ABCA4: variants seen among roughly 807,000 people sequenced by gnomAD.
ABCA4 encodes the protein retinal-specific phospholipid-transporting ATPase ABCA4.
A neutral mutation model predicts 263.7 loss-of-function variants in ABCA4; 196 were observed. That is an observed-to-expected ratio of 0.74 (90% confidence interval 0.66 to 0.84). ABCA4 has a LOEUF of 0.84. ABCA4 is among the 40% of genes least tolerant of loss of function. ABCA4 has a pLI of 0.00. For missense variants in ABCA4, 2,792 were observed against 2,855.1 expected (o/e 0.98, Z 0.50); for synonymous variants, 1,133 against 1,094.2 (o/e 1.04, Z -0.70).
At chr1:94,007,492 T>C (rs1371333440) in intron 43 of ABCA4, 142 bp downstream of exon 43, 1 of 748,662 alleles carries the variant, frequency 1.3e-6, no homozygotes, top group South Asian at 1.5e-5. Context: ...TTTTGGGCCA[T>C]GCTCTCTGGG....
At chr1:94,008,195 T>C (rs777106039) in intron 42 of ABCA4, 40 bp downstream of exon 42, 7 of 1,596,710 alleles carry the variant, frequency 4.4e-6, no homozygotes, top group Non-Finnish European at 8.6e-7. Flanking sequence ...CAAGAGCTGA[T>C]GTTCGGAAGC....
intron 6 of ABCA4, among the ~76,000 whole-genome samples, chr1:94,091,809 T>A (rs993234253): frequency 3.3e-5 from 5 of 152,242 alleles, no homozygotes; most frequent in Non-Finnish European, 7.3e-5. Context: ...CCTTTAGGCC[T>A]TGATCCTGTG....
At chr1:94,097,069 C>A (rs1356246265) in intron 6 of ABCA4, among the ~76,000 whole-genome samples, 16 of 152,212 alleles carry the variant, frequency 1.1e-4, no homozygotes, top group Non-Finnish European at 2.4e-4. Context: ...GAAAACAAGT[C>A]AAGGAGCGTG....
intron 14 of ABCA4, 120 bp downstream of exon 14, chr1:94,060,417 G>A: frequency 1.1e-6 from 1 of 936,014 alleles, no homozygotes; most frequent in South Asian, 1.4e-5. Flanking sequence ...GGAAGGGCTG[G>A]GAAGCTAGAT....
intron 11 of ABCA4, among the ~76,000 whole-genome samples, chr1:94,073,927 C>T (rs1661471248): frequency 6.6e-6 from 1 of 152,152 alleles, no homozygotes; most frequent in African/African-American, 2.4e-5. Flanking sequence ...TCGCACAGGT[C>T]CTGCTTATGT....
chr1:94,001,051 T>G lies in ABCA4; in HGVS notation c.6337A>C (p.Ile2113Leu), dbSNP rs763507963. 8 of 1,614,170 alleles carry G rather than the reference T, an allele frequency of 5.0e-6. No homozygotes were observed. The Admixed American group carries it at 1.3e-4, about 27-fold the overall frequency. ...PQARRMLWNV[I>L]VSIIREGRAV... ...CTCCCTTCTCTGATGATGCTCACGA[T>G]GACGTTCCACAGCATGCGGCGTGCC... The change falls in exon 46 of 50, where the codon ATC (isoleucine) becomes CTC (leucine). Residue 2113 changes from isoleucine (I) to leucine (L), a missense_variant. Transcript: ENST00000370225.
rs55694362 is a variant in ABCA4 at position 94,009,171 on chromosome 1, A to G, written c.5715-300T>C. Among the ~76,000 whole-genome samples, 17,558 of 151,980 alleles carry G rather than the reference A, an allele frequency of 0.12. 1,291 individuals carry two copies. Among genetic ancestry groups the G allele is most frequent in the African/African-American group, 0.21 (8,761 of 41,370 alleles). On this transcript the variant is annotated intron_variant, in intron 40 of 49. Transcript: ENST00000370225. Reference sequence around the variant, plus strand: ...ACCATGTGATGAGGAGGAGGGTAACAATACCTGTCTCATAGGATTGTGCTG... The same window carrying G: ...ACCATGTGATGAGGAGGAGGGTAACGATACCTGTCTCATAGGATTGTGCTG...
chr1:94,040,146 A>C lies in ABCA4; in HGVS notation c.3523-19T>G, dbSNP rs1018556716. ...AGGTCCCCTGCAACAGATGGATGGG[A>C]TGACTGACAAGATGCACATCCCTTC... On this transcript the variant is annotated intron_variant, in intron 23 of 49. Transcript: ENST00000370225. 4 of 1,584,118 alleles carry C rather than the reference A, an allele frequency of 2.5e-6. No homozygotes were observed.
chr1:94,036,260 T>C (rs193166606), intron 26 of ABCA4, among the ~76,000 whole-genome samples: 46 of 150,918 alleles, frequency 3.0e-4, no homozygotes, highest in Non-Finnish European at 6.6e-4. Flanking sequence ...TAGACCTAAC[T>C]CAGTCTGTTA....
intron 25 of ABCA4, 70 bp downstream of exon 25, chr1:94,037,075 A>G: frequency 2.0e-6 from 3 of 1,514,940 alleles, no homozygotes; most frequent in African/African-American, 1.4e-5. Context: ...ACTTTGCTCT[A>G]ATGTTAGACT....
chr1:94,073,252 C>A (rs1661452058), intron 11 of ABCA4, among the ~76,000 whole-genome samples: 2 of 152,152 alleles, frequency 1.3e-5, no homozygotes, highest in South Asian at 4.1e-4. Context: ...TGTTCATTGC[C>A]CCTTGCTTTC....
rs147309270 is a variant in ABCA4 at position 94,067,766 on chromosome 1, G to A, written c.1555-4449C>T. ...GATGCTTGCTGAAGGCTTACTATAC[G>A]GCCAAAACTGGTCCAAGGACTTTAC... On this transcript the variant is annotated intron_variant, in intron 11 of 49. Coordinates refer to ENST00000370225, the MANE Select transcript of ABCA4 (RefSeq NM_000350.3). Among the ~76,000 whole-genome samples, 63 of 152,232 alleles carry A rather than the reference G, an allele frequency of 4.1e-4. 1 individual carries two copies. The East Asian group carries it at 9.7e-3, about 23-fold the overall frequency.
At chr1:94,042,723 T>A in intron 22 of ABCA4, 38 bp downstream of exon 22, 1 of 1,614,000 alleles carries the variant, frequency 6.2e-7, no homozygotes, top group South Asian at 1.1e-5. Flanking sequence ...AGGGCTGCAG[T>A]GAGAGCCCAG....
chr1:94,028,906 C>CAAAAAAA (rs34738807), intron 30 of ABCA4, among the ~76,000 whole-genome samples: 10 of 37,644 alleles, frequency 2.7e-4, no homozygotes, highest in South Asian at 1.2e-3. Context: ...GACTCTGTCT[C>CAAAAAAA]AAAAAAAAAA....
At chr1:94,014,764 G>A in intron 37 of ABCA4, 74 bp from the exon 38 acceptor site, 1 of 1,580,468 alleles carries the variant, frequency 6.3e-7, no homozygotes, top group Admixed American at 1.7e-5. Flanking sequence ...TGGATATAAT[G>A]CACTCCCCTT....
intron 22 of ABCA4, among the ~76,000 whole-genome samples, chr1:94,042,098 CAAAAAAAAAAA>C (rs11334956): frequency 2.5e-5 from 2 of 81,270 alleles, no homozygotes. Context: ...GATTCTGTCT[CAAAAAAAAAAA>C]AAAAAAAAAA....
intron 5 of ABCA4, among the ~76,000 whole-genome samples, chr1:94,099,514 T>C (rs1309258102): frequency 6.6e-6 from 1 of 152,130 alleles, no homozygotes; most frequent in Non-Finnish European, 1.5e-5. Context: ...CCATACCTCA[T>C]CTTATCAGAG....
intron 11 of ABCA4, among the ~76,000 whole-genome samples, chr1:94,067,231 G>T (rs1445362355): frequency 1.3e-5 from 2 of 151,306 alleles, no homozygotes; most frequent in Admixed American, 6.6e-5. Flanking sequence ...AAACAAAAAA[G>T]CTAGTAAAAA....
chr1:94,008,297 T>C lies in ABCA4; in HGVS notation c.5836A>G (p.Ile1946Val), dbSNP rs1263157981. ...GCTGGGCTGGAGGTGCCTGGATAAA[T>C]CTGCAAGATACGAAGAAACCGGACT... ...DILRLHELTKIYPGTSSPAVD... is the reference protein window; with the variant it reads ...DILRLHELTKVYPGTSSPAVD... The change falls in exon 42 of 50, where the codon ATT (isoleucine) becomes GTT (valine). Residue 1946 changes from isoleucine to valine, a missense_variant and splice_region_variant. Transcript: ENST00000370225. The C allele has an allele frequency of 6.2e-7, 1 of 1,613,910 alleles. No individual in the cohort carries two copies. Among genetic ancestry groups the C allele is most frequent in the South Asian group, 1.1e-5 (1 of 91,074 alleles).
Sources: allele counts gnomAD v4.1 joint callset (sites outside exome capture counted in the v4.1 genomes callset), GRCh38; gene constraint gnomAD v4.1.1; transcripts MANE v1.5; gene names NCBI Gene and HGNC (gene_info 2026-07-23, HGNC 2026-07-21).